The following ZFAND6 variants were observed in gnomAD, a reference collection of about 807,000 sequenced individuals.
The protein encoded by ZFAND6 is AN1-type zinc finger protein 6.
ZFAND6 carries 12 observed loss-of-function variants against 24.5 expected under a neutral mutation model. The observed-to-expected ratio is 0.49, with a 90% CI of 0.31 to 0.79. The LOEUF (loss-of-function observed/expected upper bound fraction) is 0.79, where lower values mean the gene tolerates loss of function less well. ZFAND6 is among the 30% of genes least tolerant of loss of function. ZFAND6 has a pLI of 0.04. For synonymous variants in ZFAND6, 92 were observed against 81.5 expected (o/e 1.13, Z -0.69); for missense variants, 207 against 245.9 (o/e 0.84, Z 1.06).
At chr15:80,070,716 A>G (rs920009629) in intron 1 of ZFAND6, among the ~76,000 whole-genome samples, 2 of 152,154 alleles carry the variant, frequency 1.3e-5, no homozygotes, top group African/African-American at 4.8e-5. Context: ...TGAAAAATTG[A>G]TGCGAGAGCA....
At chr15:80,132,468 G>T (rs2040648664) in intron 6 of ZFAND6, among the ~76,000 whole-genome samples, 1 of 152,180 alleles carries the variant, frequency 6.6e-6, no homozygotes, top group East Asian at 1.9e-4. Flanking sequence ...TAAAGATGCA[G>T]TATTAAGTGA....
intron 1 of ZFAND6, among the ~76,000 whole-genome samples, chr15:80,075,864 C>T (rs1273620408): frequency 6.6e-6 from 1 of 152,132 alleles, no homozygotes. Context: ...GCAGATCCAT[C>T]TATCCCTGTT....
chr15:80,113,025 C>CCTTTGTGTAACACTTTGTGTAACA (rs57578886), intron 2 of ZFAND6, among the ~76,000 whole-genome samples: 21 of 152,236 alleles, frequency 1.4e-4, no homozygotes, highest in African/African-American at 5.1e-4. Flanking sequence ...GCTCGTCTTA[C>CCTTTGTGTAACACTTTGTGTAACA]CTTTGTGTAA....
chr15:80,128,028 A>G (rs2040444520), intron 5 of ZFAND6, among the ~76,000 whole-genome samples: 1 of 152,250 alleles, frequency 6.6e-6, no homozygotes, highest in Admixed American at 6.5e-5. Flanking sequence ...ATTCTGATAC[A>G]TGCCACAGTA....
chr15:80,088,025 AGT>A, intron 1 of ZFAND6, among the ~76,000 whole-genome samples: 1 of 151,130 alleles, frequency 6.6e-6, no homozygotes, highest in African/African-American at 2.4e-5. Flanking sequence ...TCTCTTACAC[AGT>A]GTGATTAAGT....
intron 1 of ZFAND6, among the ~76,000 whole-genome samples, chr15:80,091,145 A>G (rs1044090724): frequency 2.1e-5 from 3 of 140,326 alleles, no homozygotes; most frequent in Non-Finnish European, 4.7e-5. Context: ...CATATTTTCT[A>G]TTTAGTTGTT....
chr15:80,112,717 CA>C, intron 2 of ZFAND6: 3 of 452,360 alleles, frequency 6.6e-6, no homozygotes, highest in Non-Finnish European at 1.3e-5. Context: ...ATCATCTCTG[CA>C]AAAAGGTTAC....
chr15:80,070,681 A>C (rs972069777), intron 1 of ZFAND6, among the ~76,000 whole-genome samples: 16 of 152,266 alleles, frequency 1.1e-4, no homozygotes, highest in African/African-American at 3.9e-4. Flanking sequence ...TATGATTCGT[A>C]TTTGTTTCAT....
intron 2 of ZFAND6, among the ~76,000 whole-genome samples, chr15:80,114,124 G>C (rs2039748374): frequency 6.6e-6 from 1 of 152,196 alleles, no homozygotes; most frequent in African/African-American, 2.4e-5. Context: ...AGGAAGAATA[G>C]AGTAAGAACA....
At chr15:80,117,376 C>A (rs2039927224) in intron 2 of ZFAND6, among the ~76,000 whole-genome samples, 1 of 152,202 alleles carries the variant, frequency 6.6e-6, no homozygotes, top group Admixed American at 6.5e-5. Flanking sequence ...GCTCCTGCCG[C>A]TATGCCTGGC....
intron 1 of ZFAND6, among the ~76,000 whole-genome samples, chr15:80,082,836 A>G (rs907624334): frequency 2.6e-5 from 4 of 152,164 alleles, no homozygotes; most frequent in Non-Finnish European, 4.4e-5. Context: ...ACTAAAAATC[A>G]GAATTCCATC....
At position 80,121,870 on chromosome 15, in the gene ZFAND6, AG is replaced by A. The variant is rs765314964; in HGVS notation, c.263+51del. The A allele has an allele frequency of 1.6e-5, 23 of 1,474,244 alleles. No individual in the cohort carries two copies. In the African/African-American group the frequency reaches 3.2e-4, roughly 21 times the overall value. The allele number at this position is 1,474,244 out of a possible 1,614,324, so 91.3% of individuals were successfully genotyped here. Reference sequence around the variant, plus strand: ...ATGAGAATGCTAATAAAAACTAAAGAGTATATTCTGTGTTTGATTAATAAGG... The same window carrying A: ...ATGAGAATGCTAATAAAAACTAAAGATATATTCTGTGTTTGATTAATAAGG... On this transcript the variant is annotated intron_variant, in intron 4 of 6. Coordinates refer to ENST00000261749, the MANE Select transcript of ZFAND6 (RefSeq NM_019006.4).
chr15:80,099,526 G>C (rs1596260953), intron 2 of ZFAND6, among the ~76,000 whole-genome samples: 1 of 151,276 alleles, frequency 6.6e-6, no homozygotes, highest in East Asian at 1.9e-4. Flanking sequence ...CAAATGTGTT[G>C]ACTGAAGGAA....
chr15:80,070,538 A>G (rs2036917304), intron 1 of ZFAND6, among the ~76,000 whole-genome samples: 1 of 152,200 alleles, frequency 6.6e-6, no homozygotes, highest in South Asian at 2.1e-4. Context: ...TTTGCTACCT[A>G]AAATGGTAAT....
chr15:80,093,430 TGAA>T (rs2038511998), intron 1 of ZFAND6, among the ~76,000 whole-genome samples: 2 of 151,942 alleles, frequency 1.3e-5, no homozygotes, highest in Non-Finnish European at 2.9e-5. Flanking sequence ...TCGGAAAACA[TGAA>T]GAAGTGATTC....
intron 1 of ZFAND6, among the ~76,000 whole-genome samples, chr15:80,091,531 T>C (rs1001687146): frequency 6.6e-6 from 1 of 152,214 alleles, no homozygotes; most frequent in East Asian, 1.9e-4. Context: ...AAGTGAACTA[T>C]TTTAGAGAAA....
chr15:80,077,038 C>T (rs1047575789), intron 1 of ZFAND6, among the ~76,000 whole-genome samples: 1 of 152,200 alleles, frequency 6.6e-6, no homozygotes, highest in Admixed American at 6.5e-5. Context: ...TCCTTATGCA[C>T]ATAGTTTTGA....
intron 2 of ZFAND6, among the ~76,000 whole-genome samples, chr15:80,101,132 G>T (rs1488042063): frequency 6.6e-6 from 1 of 152,142 alleles, no homozygotes. Flanking sequence ...TTCAATTAAG[G>T]TATCATAAGA....
At chr15:80,117,660 A>G (rs1189366805) in intron 2 of ZFAND6, among the ~76,000 whole-genome samples, 3 of 152,204 alleles carry the variant, frequency 2.0e-5, no homozygotes, top group African/African-American at 2.4e-5. Flanking sequence ...ACTTCTTTAC[A>G]CAACAGGAGT....
Sources: allele counts gnomAD v4.1 joint callset (sites outside exome capture counted in the v4.1 genomes callset), GRCh38; gene constraint gnomAD v4.1.1; transcripts MANE v1.5; gene names NCBI Gene and HGNC (gene_info 2026-07-23, HGNC 2026-07-21).